The following ANKRD17 variants were observed in gnomAD, a reference collection of about 807,000 sequenced individuals.
ANKRD17 encodes the protein ankyrin repeat domain 17, also known as ankyrin repeat domain-containing protein 17.
In ANKRD17, 19 loss-of-function variants were observed where a neutral mutation model predicts 229.7. The ratio of observed to expected loss-of-function variants is 0.08; its 90% confidence interval spans 0.06 to 0.12. The LOEUF (loss-of-function observed/expected upper bound fraction) is 0.12, where lower values mean the gene tolerates loss of function less well. Among genes scored for constraint, ANKRD17 ranks in the 10% least tolerant of loss-of-function variants. The pLI is 1.00. For synonymous variants in ANKRD17, 1,112 were observed against 1,146.1 expected (o/e 0.97, Z 0.60); for missense variants, 2,176 against 3,176.8 (o/e 0.68, Z 7.57).
At chr4:73,221,408 G>A (rs1252107321) in intron 1 of ANKRD17, among the ~76,000 whole-genome samples, 2 of 151,850 alleles carry the variant, frequency 1.3e-5, no homozygotes, top group Non-Finnish European at 2.9e-5. Context: ...GATTTCCTCA[G>A]AACATAAATA....
intron 25 of ANKRD17, among the ~76,000 whole-genome samples, chr4:73,102,154 T>A (rs977918613): frequency 3.9e-5 from 6 of 152,080 alleles, no homozygotes; most frequent in Non-Finnish European, 8.8e-5. Context: ...GTATAGACAG[T>A]CTCACTTTGT....
At chr4:73,099,222 C>T (rs576344043) in intron 25 of ANKRD17, 12 of 589,354 alleles carry the variant, frequency 2.0e-5, no homozygotes, top group Non-Finnish European at 6.4e-6. Flanking sequence ...GCTCCCACCG[C>T]CCCCGCCCCT....
chr4:73,149,312 A>G (rs1239551715), intron 7 of ANKRD17, among the ~76,000 whole-genome samples: 1 of 152,222 alleles, frequency 6.6e-6, no homozygotes, highest in Non-Finnish European at 1.5e-5. Flanking sequence ...ACCATTAGAA[A>G]AAAAAACAGT....
intron 25 of ANKRD17, among the ~76,000 whole-genome samples, chr4:73,099,456 T>C (rs140666748): frequency 2.0e-4 from 31 of 152,314 alleles, no homozygotes; most frequent in African/African-American, 7.5e-4. Context: ...ACCCTGCACA[T>C]GCTGCATCCC....
chr4:73,100,700 C>CA (rs1460235867), intron 25 of ANKRD17: 10 of 312,416 alleles, frequency 3.2e-5, no homozygotes, highest in Non-Finnish European at 4.2e-5. Context: ...AGAGAAGACA[C>CA]AACCCATGTG....
intron 30 of ANKRD17, among the ~76,000 whole-genome samples, chr4:73,083,691 A>T (rs976724924): frequency 1.3e-5 from 2 of 152,200 alleles, no homozygotes; most frequent in African/African-American, 2.4e-5. Flanking sequence ...CTGTAATTCC[A>T]GCACTTTGGG....
intron 14 of ANKRD17, among the ~76,000 whole-genome samples, chr4:73,141,377 A>C (rs777002809): frequency 5.9e-5 from 9 of 152,230 alleles, no homozygotes; most frequent in Non-Finnish European, 1.2e-4. Context: ...CTAATATTTG[A>C]TACATCTTGT....
chr4:73,247,574 A>G (rs1457478636), intron 1 of ANKRD17, among the ~76,000 whole-genome samples: 3 of 151,980 alleles, frequency 2.0e-5, no homozygotes, highest in African/African-American at 7.2e-5. Context: ...ACACACACGC[A>G]CTCAGTCTCA....
At chr4:73,148,789 T>C (rs752547560) in intron 8 of ANKRD17, 24 bp downstream of exon 8, 4 of 1,586,184 alleles carry the variant, frequency 2.5e-6, no homozygotes, top group East Asian at 2.2e-5. Flanking sequence ...ATTTATACTT[T>C]AGTGTCTTGA....
At chr4:73,241,383 T>C (rs758398568) in intron 1 of ANKRD17, among the ~76,000 whole-genome samples, 2 of 152,118 alleles carry the variant, frequency 1.3e-5, no homozygotes, top group Non-Finnish European at 2.9e-5. Flanking sequence ...AACTAATGAA[T>C]GGATAAATAA....
intron 1 of ANKRD17, among the ~76,000 whole-genome samples, chr4:73,247,212 T>A (rs1338060393): frequency 1.3e-5 from 2 of 151,880 alleles, no homozygotes; most frequent in African/African-American, 4.8e-5. Flanking sequence ...ATCAGAAAAA[T>A]GAAAACAAAA....
chr4:73,179,144 A>T (rs572622483), intron 1 of ANKRD17, among the ~76,000 whole-genome samples: 1 of 152,008 alleles, frequency 6.6e-6, no homozygotes, highest in South Asian at 2.1e-4. Context: ...TAATCAAAAC[A>T]TTTAATACTA....
chr4:73,179,982 AATTT>A (rs1735328635), intron 1 of ANKRD17, among the ~76,000 whole-genome samples: 1 of 152,142 alleles, frequency 6.6e-6, no homozygotes, highest in Non-Finnish European at 1.5e-5. Flanking sequence ...TAATATCTGA[AATTT>A]ATTAAAATAT....
At chr4:73,139,074 T>G (rs1298617644) in intron 15 of ANKRD17, among the ~76,000 whole-genome samples, 1 of 152,152 alleles carries the variant, frequency 6.6e-6, no homozygotes, top group African/African-American at 2.4e-5. Context: ...TCCATCAGGT[T>G]TGAAGTCTGA....
At chr4:73,078,085 A>C (rs1721179464) in intron 31 of ANKRD17, among the ~76,000 whole-genome samples, 1 of 152,102 alleles carries the variant, frequency 6.6e-6, no homozygotes, top group Non-Finnish European at 1.5e-5. Flanking sequence ...CCCTGTCTCT[A>C]CTAAAAATAC....
intron 1 of ANKRD17, among the ~76,000 whole-genome samples, chr4:73,183,355 G>A (rs1411712682): frequency 4.6e-5 from 7 of 152,196 alleles, no homozygotes; most frequent in Non-Finnish European, 1.0e-4. Flanking sequence ...AAGGAATAGT[G>A]TCGGAAATTT....
At chr4:73,109,937 G>A (rs1031292502) in intron 24 of ANKRD17, among the ~76,000 whole-genome samples, 5 of 130,248 alleles carry the variant, frequency 3.8e-5, no homozygotes, top group Admixed American at 9.3e-5. Flanking sequence ...ATCAGAGAAT[G>A]AAATGTGTGA....
chr4:73,159,053 CAT>C (rs1732154943), intron 3 of ANKRD17, among the ~76,000 whole-genome samples: 1 of 152,214 alleles, frequency 6.6e-6, no homozygotes, highest in African/African-American at 2.4e-5. Flanking sequence ...CAATTTTTCC[CAT>C]AGTTATATTA....
chr4:73,099,154 G>C (rs1723647392), intron 25 of ANKRD17: 1 of 684,738 alleles, frequency 1.5e-6, no homozygotes, highest in South Asian at 1.5e-5. Flanking sequence ...GACCGTGTGT[G>C]CTGCCTGTGC....
Sources: allele counts gnomAD v4.1 joint callset (sites outside exome capture counted in the v4.1 genomes callset), GRCh38; gene constraint gnomAD v4.1.1; transcripts MANE v1.5; gene names NCBI Gene and HGNC (gene_info 2026-07-23, HGNC 2026-07-21).